Variants in ARSB observed in about 807,000 individuals in gnomAD.
ARSB encodes the protein arylsulfatase B.
In ARSB, 41 loss-of-function variants were observed where a neutral mutation model predicts 50.9. That is an observed-to-expected ratio of 0.81 (90% CI 0.63 to 1.04). The LOEUF (loss-of-function observed/expected upper bound fraction) is 1.04, where lower values mean the gene tolerates loss of function less well. ARSB is among the 50% of genes least tolerant of loss of function. The pLI is 0.00. For missense variants in ARSB, 672 were observed against 693.3 expected (o/e 0.97, Z 0.35); for synonymous variants, 269 against 284.8 (o/e 0.94, Z 0.56).
chr5:78,897,369 C>T (rs536896218), intron 4 of ARSB, among the ~76,000 whole-genome samples: 1 of 152,222 alleles, frequency 6.6e-6, no homozygotes, highest in East Asian at 1.9e-4. Flanking sequence ...AAACCACTGC[C>T]CTATACAATG....
intron 5 of ARSB, among the ~76,000 whole-genome samples, chr5:78,858,383 A>C (rs1746260017): frequency 6.6e-6 from 1 of 152,186 alleles, no homozygotes; most frequent in Non-Finnish European, 1.5e-5. Context: ...TTATTTACAA[A>C]AACAGGGCAA....
intron 4 of ARSB, among the ~76,000 whole-genome samples, chr5:78,908,463 A>C (rs1341600324): frequency 6.6e-6 from 1 of 152,208 alleles, no homozygotes; most frequent in Admixed American, 6.5e-5. Context: ...AGCAGCGGAG[A>C]GCACAGGAAG....
intron 6 of ARSB, among the ~76,000 whole-genome samples, chr5:78,806,281 A>AGCAGG (rs1743560034): frequency 1.3e-5 from 2 of 152,248 alleles, no homozygotes; most frequent in South Asian, 4.1e-4. Context: ...CATGTGTAAC[A>AGCAGG]ACTGTATACC....
intron 6 of ARSB, among the ~76,000 whole-genome samples, chr5:78,831,034 T>C (rs146091829): frequency 2.8e-4 from 42 of 152,272 alleles, no homozygotes; most frequent in Admixed American, 1.2e-3. Flanking sequence ...TCACATGTGC[T>C]CATAATTTAA....
chr5:78,836,028 A>G (rs1486738879), intron 6 of ARSB, among the ~76,000 whole-genome samples: 1 of 152,216 alleles, frequency 6.6e-6, no homozygotes, highest in East Asian at 1.9e-4. Context: ...TGCTCTATGA[A>G]TATGATATCC....
chr5:78,803,982 G>A (rs939884698), intron 6 of ARSB, among the ~76,000 whole-genome samples: 5 of 152,176 alleles, frequency 3.3e-5, no homozygotes, highest in Admixed American at 6.5e-5. Flanking sequence ...TCTCCCACCC[G>A]AGGGCACCTG....
chr5:78,946,353 C>CACA (rs1751228784), intron 4 of ARSB, among the ~76,000 whole-genome samples: 1 of 152,084 alleles, frequency 6.6e-6, no homozygotes, highest in African/African-American at 2.4e-5. Flanking sequence ...AACCTATAGC[C>CACA]TCCACAAAAA....
intron 6 of ARSB, among the ~76,000 whole-genome samples, chr5:78,782,853 G>C (rs1295234276): frequency 1.3e-5 from 2 of 152,142 alleles, no homozygotes; most frequent in Non-Finnish European, 2.9e-5. Context: ...CTCCCTTAGA[G>C]CACACAGCCA....
At chr5:78,832,603 CT>C (rs1052206006) in intron 6 of ARSB, among the ~76,000 whole-genome samples, 118 of 152,194 alleles carry the variant, frequency 7.8e-4, no homozygotes, top group Admixed American at 2.2e-3. Flanking sequence ...CTGGACGACT[CT>C]TGGATCTCAA....
chr5:78,930,307 G>A (rs77318961), intron 4 of ARSB, among the ~76,000 whole-genome samples: 2,280 of 152,184 alleles, frequency 0.015, 53 homozygotes, highest in African/African-American at 0.05. Context: ...TTGAGGACAG[G>A]TATATAACTT....
At chr5:78,851,677 A>G (rs1401344611) in intron 5 of ARSB, among the ~76,000 whole-genome samples, 3 of 152,228 alleles carry the variant, frequency 2.0e-5, no homozygotes, top group African/African-American at 7.2e-5. Context: ...GTCTCCTATT[A>G]TTATTGTGTG....
intron 6 of ARSB, chr5:78,816,075 G>A (rs1189286191): frequency 6.2e-7 from 1 of 1,614,134 alleles, no homozygotes; most frequent in Admixed American, 1.7e-5. Flanking sequence ...TCAGTAGAAA[G>A]TTGGTGGTAG....
intron 6 of ARSB, among the ~76,000 whole-genome samples, chr5:78,828,603 A>T (rs1170480984): frequency 6.6e-6 from 1 of 152,122 alleles, no homozygotes; most frequent in Non-Finnish European, 1.5e-5. Context: ...CGTCTCTACC[A>T]CCATAGCTTT....
chr5:78,963,171 A>ATCTC (rs1240506083), intron 3 of ARSB, among the ~76,000 whole-genome samples: 1 of 151,678 alleles, frequency 6.6e-6, no homozygotes, highest in Non-Finnish European at 1.5e-5. Flanking sequence ...AGAGCCTGGC[A>ATCTC]TCTCTCTCTC....
chr5:78,937,045 AGTGCAGCCT>A (rs1352093323), intron 4 of ARSB, among the ~76,000 whole-genome samples: 1 of 151,942 alleles, frequency 6.6e-6, no homozygotes, highest in Non-Finnish European at 1.5e-5. Flanking sequence ...TTCATCCTCC[AGTGCAGCCT>A]GTCCAACATA....
At chr5:78,853,391 G>T (rs1056692447) in intron 5 of ARSB, among the ~76,000 whole-genome samples, 4 of 152,206 alleles carry the variant, frequency 2.6e-5, no homozygotes, top group Non-Finnish European at 5.9e-5. Flanking sequence ...AACCATGAAT[G>T]CTGCTGTCTG....
intron 6 of ARSB, among the ~76,000 whole-genome samples, chr5:78,834,432 T>TA (rs1744840619): frequency 6.6e-6 from 1 of 151,664 alleles, no homozygotes; most frequent in Non-Finnish European, 1.5e-5. Flanking sequence ...ACCACCATTC[T>TA]ATTTTCTGTC....
chr5:78,786,722 C>G (rs1040709464), intron 6 of ARSB, among the ~76,000 whole-genome samples: 1 of 152,220 alleles, frequency 6.6e-6, no homozygotes, highest in Non-Finnish European at 1.5e-5. Flanking sequence ...TAGGCTCAAG[C>G]GATCCTCTCA....
intron 2 of ARSB, 152 bp from the exon 3 acceptor site, chr5:78,964,758 T>C: frequency 2.6e-6 from 2 of 775,512 alleles, no homozygotes; most frequent in Non-Finnish European, 4.4e-6. Flanking sequence ...AACATGTCTA[T>C]ATCTGGTGGC....
Sources: allele counts gnomAD v4.1 joint callset (sites outside exome capture counted in the v4.1 genomes callset), GRCh38; gene constraint gnomAD v4.1.1; transcripts MANE v1.5; gene names NCBI Gene and HGNC (gene_info 2026-07-23, HGNC 2026-07-21).